The following NRG3 variants were observed in gnomAD, a reference collection of about 807,000 sequenced individuals.
NRG3 encodes neuregulin 3.
NRG3 carries 31 observed loss-of-function variants against 66.9 expected under a neutral mutation model. That is an observed-to-expected ratio of 0.46 (90% CI 0.35 to 0.63). The LOEUF is 0.63. Among genes scored for constraint, NRG3 ranks in the 20% least tolerant of loss-of-function variants. NRG3 has a pLI of 0.00. For missense variants in NRG3, 910 were observed against 878.9 expected, an observed-to-expected ratio of 1.04 and a Z score of -0.45; for synonymous variants, 393 against 359.4, an observed-to-expected ratio of 1.09 and a Z score of -1.06.
intron 1 of NRG3, among the ~76,000 whole-genome samples, chr10:82,148,185 C>T (rs1564610160): frequency 6.6e-6 from 1 of 152,036 alleles, no homozygotes; most frequent in African/African-American, 2.4e-5. Flanking sequence ...TCAAAAACTT[C>T]TTTGAGTCAA....
At chr10:82,851,499 T>G (rs568801849) in intron 3 of NRG3, among the ~76,000 whole-genome samples, 25 of 152,318 alleles carry the variant, frequency 1.6e-4, no homozygotes, top group African/African-American at 5.8e-4. Context: ...TAGAAAATCT[T>G]TAGTGTATTA....
At chr10:82,268,433 C>T (rs181545203) in intron 1 of NRG3, among the ~76,000 whole-genome samples, 57 of 152,182 alleles carry the variant, frequency 3.7e-4, no homozygotes, top group Non-Finnish European at 4.1e-4. Flanking sequence ...AGAATCTATG[C>T]CACTTAATTC....
At chr10:82,416,292 C>T (rs1266473753) in intron 2 of NRG3, among the ~76,000 whole-genome samples, 4 of 152,124 alleles carry the variant, frequency 2.6e-5, no homozygotes, top group African/African-American at 4.8e-5. Context: ...CTTTTAATTC[C>T]TGTTTGTATC....
chr10:82,360,128 A>G lies in NRG3; in HGVS notation c.953+1260A>G, dbSNP rs181854325. 4.6e-5 allele frequency among the ~76,000 whole-genome samples: 7 copies of G among 152,308 alleles called. No homozygotes were observed. The East Asian group carries it at 1.4e-3, about 29-fold the overall frequency. On this transcript the variant is annotated intron_variant, in intron 2 of 8. Coordinates refer to ENST00000372141, the MANE Select transcript of NRG3 (RefSeq NM_001010848.4). ...CAGTGCCGCTGCATTCACCCTAGTTACAAAATTTGCACCCTATTCCTATGC... is the reference window on the plus strand; with the variant it reads ...CAGTGCCGCTGCATTCACCCTAGTTGCAAAATTTGCACCCTATTCCTATGC...
At chr10:82,346,821 C>T (rs1432442684) in intron 1 of NRG3, among the ~76,000 whole-genome samples, 1 of 152,006 alleles carries the variant, frequency 6.6e-6, no homozygotes, top group Non-Finnish European at 1.5e-5. Flanking sequence ...GGAATTTATC[C>T]ATTTCTTCTA....
intron 4 of NRG3, among the ~76,000 whole-genome samples, chr10:82,869,077 G>A (rs1306832661): frequency 6.6e-6 from 1 of 152,140 alleles, no homozygotes; most frequent in Admixed American, 6.5e-5. Context: ...GACATCTCTA[G>A]GTATGAATTC....
chr10:82,092,162 T>A (rs1298421200), intron 1 of NRG3, among the ~76,000 whole-genome samples: 2 of 152,188 alleles, frequency 1.3e-5, no homozygotes, highest in Admixed American at 1.3e-4. Context: ...TTTATTATGA[T>A]TTCTATTGTT....
At chr10:82,734,862 A>T (rs1002406107) in intron 2 of NRG3, among the ~76,000 whole-genome samples, 55 of 151,944 alleles carry the variant, frequency 3.6e-4, no homozygotes, top group African/African-American at 1.1e-3. Flanking sequence ...ACAAAAAATT[A>T]AAAAAAATAA....
At chr10:82,488,518 T>C (rs1156722268) in intron 2 of NRG3, among the ~76,000 whole-genome samples, 2 of 152,244 alleles carry the variant, frequency 1.3e-5, no homozygotes, top group Admixed American at 6.5e-5. Context: ...TATTTTTTAA[T>C]TGCAAAGTAT....
chr10:82,914,197 T>C (rs1845609945), intron 4 of NRG3, among the ~76,000 whole-genome samples: 1 of 152,176 alleles, frequency 6.6e-6, no homozygotes, highest in Non-Finnish European at 1.5e-5. Flanking sequence ...TGTTATTGCA[T>C]GTTGTGTACT....
chr10:81,930,364 G>A (rs913982324), intron 1 of NRG3, among the ~76,000 whole-genome samples: 1 of 152,224 alleles, frequency 6.6e-6, no homozygotes, highest in Admixed American at 6.5e-5. Flanking sequence ...CAGAATTCAG[G>A]AAAGCATTAT....
At chr10:82,737,295 G>A (rs1490871930) in intron 2 of NRG3, among the ~76,000 whole-genome samples, 4 of 152,046 alleles carry the variant, frequency 2.6e-5, no homozygotes, top group Admixed American at 1.3e-4. Flanking sequence ...GAGCCTGCCC[G>A]ATTACCTGAA....
intron 2 of NRG3, among the ~76,000 whole-genome samples, chr10:82,598,798 C>T (rs978645078): frequency 4.6e-5 from 7 of 152,080 alleles, no homozygotes; most frequent in African/African-American, 1.7e-4. Context: ...TCCTGTAATC[C>T]CAGCACTTTG....
intron 4 of NRG3, among the ~76,000 whole-genome samples, chr10:82,921,273 C>T (rs1846395872): frequency 6.6e-6 from 1 of 152,078 alleles, no homozygotes; most frequent in South Asian, 2.1e-4. Flanking sequence ...AAATACCCAA[C>T]CAGTAATTCT....
chr10:81,889,604 G>A (rs1842869504), intron 1 of NRG3: 1 of 152,166 alleles, frequency 6.6e-6, no homozygotes, highest in African/African-American at 2.4e-5. Context: ...CGCTGTGTAA[G>A]AGCAAATGTT....
intron 1 of NRG3, among the ~76,000 whole-genome samples, chr10:81,986,764 C>T (rs1184254433): frequency 2.0e-5 from 3 of 152,054 alleles, no homozygotes; most frequent in Non-Finnish European, 2.9e-5. Context: ...TGATCATTGC[C>T]ATCTTGATCT....
At chr10:82,069,565 T>A (rs2064683241) in intron 1 of NRG3, among the ~76,000 whole-genome samples, 1 of 152,186 alleles carries the variant, frequency 6.6e-6, no homozygotes, top group South Asian at 2.1e-4. Flanking sequence ...AGGACAAGAT[T>A]CAGACTCATG....
intron 3 of NRG3, among the ~76,000 whole-genome samples, chr10:82,745,528 A>T (rs1391593444): frequency 6.6e-6 from 1 of 152,102 alleles, no homozygotes; most frequent in Non-Finnish European, 1.5e-5. Flanking sequence ...TATATGTAAA[A>T]TCTGTCACTC....
At chr10:82,282,385 C>T (rs141548835) in intron 1 of NRG3, among the ~76,000 whole-genome samples, 1 of 152,180 alleles carries the variant, frequency 6.6e-6, no homozygotes, top group African/African-American at 2.4e-5. Context: ...GGATCTGTGT[C>T]TTGAAAAGTC....
Sources: allele counts gnomAD v4.1 joint callset (sites outside exome capture counted in the v4.1 genomes callset), GRCh38; gene constraint gnomAD v4.1.1; transcripts MANE v1.5; gene names NCBI Gene and HGNC (gene_info 2026-07-23, HGNC 2026-07-21).